PATJ: variants seen among roughly 807,000 people sequenced by gnomAD.
PATJ encodes PATJ crumbs cell polarity complex component.
Under a neutral mutation model 224.9 loss-of-function variants are expected in PATJ, and 190 were observed. That is an observed-to-expected ratio of 0.84 (90% CI 0.75 to 0.95). PATJ has a LOEUF of 0.95. PATJ is among the 40% of genes least tolerant of loss of function. The pLI is 0.00. For missense variants in PATJ, 2,121 were observed against 2,270.3 expected (o/e 0.93, Z 1.34); for synonymous variants, 769 against 820.3 (o/e 0.94, Z 1.07).
chr1:61,779,367 T>C (rs1647118605), intron 7 of PATJ, among the ~76,000 whole-genome samples: 1 of 152,220 alleles, frequency 6.6e-6, no homozygotes, highest in Non-Finnish European at 1.5e-5. Context: ...GAAGCTCTGT[T>C]ACATTCTTGA....
At chr1:62,113,377 C>G (rs1422985260) in intron 34 of PATJ, among the ~76,000 whole-genome samples, 1 of 152,194 alleles carries the variant, frequency 6.6e-6, no homozygotes. Context: ...TGCCTCATGC[C>G]TGTAATCCCA....
rs185234900 is a variant in PATJ, at chr1:61,969,280, A to T, written c.3671-20888A>T. ...ATTACTGGATCATATGATATTTCTA[A>T]TTTTTTTAAGGTATGTCCATACTCT... is the stretch of plus-strand genomic sequence containing the variant. On this transcript the variant is annotated intron_variant, in intron 27 of 43. Transcript: ENST00000642238. 8.9e-4 allele frequency among the ~76,000 whole-genome samples: 135 copies of T among 152,260 alleles called. 2 individuals are homozygous for T. The highest frequency in any genetic ancestry group is 3.0e-3 in the African/African-American group (123 of 41,548).
chr1:62,080,293 A>T (rs966888057), intron 32 of PATJ, among the ~76,000 whole-genome samples: 1 of 152,100 alleles, frequency 6.6e-6, no homozygotes, highest in African/African-American at 2.4e-5. Context: ...GGGGGTTGAA[A>T]ATAGAACTTT....
rs114356652 is a variant in PATJ at position 61,968,059 on chromosome 1, G to A, written c.3671-22109G>A. 5.4e-3 allele frequency among the ~76,000 whole-genome samples: 818 copies of A among 152,148 alleles called. 5 individuals are homozygous for A. The highest frequency in any genetic ancestry group is 0.027 in the Middle Eastern group (8 of 294). On this transcript the variant is annotated intron_variant, in intron 27 of 43. Coordinates refer to ENST00000642238, the MANE Select transcript of PATJ (RefSeq NM_001350145.3). Reference sequence around the variant, plus strand: ...AAGATATGAAAGCCCAAGGAGTAAAGCATTAAACCATGCAAAAATACCAAC... The same window carrying A: ...AAGATATGAAAGCCCAAGGAGTAAAACATTAAACCATGCAAAAATACCAAC...
At chr1:62,040,243 G>A (rs1651219522) in intron 30 of PATJ, among the ~76,000 whole-genome samples, 2 of 151,786 alleles carry the variant, frequency 1.3e-5, no homozygotes, top group African/African-American at 4.8e-5. Flanking sequence ...CGAGTAGCTG[G>A]GATTACAGGC....
intron 18 of PATJ, among the ~76,000 whole-genome samples, chr1:61,857,613 A>G (rs993459598): frequency 3.3e-5 from 5 of 152,360 alleles, no homozygotes; most frequent in Admixed American, 6.5e-5. Flanking sequence ...TGGCTTTGCT[A>G]TGAGTTAGCC....
At chr1:62,022,771 A>C (rs1054462515) in intron 29 of PATJ, among the ~76,000 whole-genome samples, 26 of 152,350 alleles carry the variant, frequency 1.7e-4, no homozygotes, top group Non-Finnish European at 2.1e-4. Context: ...CCTTGGAAAG[A>C]TTTAGTGCTA....
intron 30 of PATJ, among the ~76,000 whole-genome samples, chr1:62,045,047 G>A (rs188200603): frequency 7.2e-5 from 11 of 152,016 alleles, no homozygotes; most frequent in Admixed American, 3.9e-4. Context: ...GCGAAACCCC[G>A]TCTCTACTAA....
intron 31 of PATJ, among the ~76,000 whole-genome samples, chr1:62,064,895 T>C (rs1052059630): frequency 6.6e-6 from 1 of 152,160 alleles, no homozygotes; most frequent in Admixed American, 6.5e-5. Flanking sequence ...AGATGCAACA[T>C]AAAAAATACA....
chr1:61,761,537 A>G (rs1260368022), intron 1 of PATJ, among the ~76,000 whole-genome samples: 1 of 152,202 alleles, frequency 6.6e-6, no homozygotes, highest in Non-Finnish European at 1.5e-5. Flanking sequence ...AAGAAACAGT[A>G]AAACCTGAGT....
chr1:62,116,795 A>G, intron 36 of PATJ, 116 bp downstream of exon 36: 1 of 963,298 alleles, frequency 1.0e-6, no homozygotes. Context: ...AGTTTTTACT[A>G]GAAATTTAAT....
chr1:61,768,563 C>T (rs1211694725), intron 4 of PATJ, among the ~76,000 whole-genome samples: 1 of 151,940 alleles, frequency 6.6e-6, no homozygotes, highest in Non-Finnish European at 1.5e-5. Flanking sequence ...TTCTGACAGG[C>T]TAAATACTGG....
rs200084572 is a variant in PATJ at position 61,789,328 on chromosome 1, TAAAAC to T, written c.1068+1363_1068+1367del. ...TAAAAAAATAAATAAATAAATAAAATAAAACAAAACAGACAAAAAAAAACTGAAAC... is the reference window on the plus strand; with the variant it reads ...TAAAAAAATAAATAAATAAATAAAATAAAACAGACAAAAAAAAACTGAAAC... On this transcript the variant is annotated intron_variant, in intron 8 of 43. Transcript: ENST00000642238. Among the ~76,000 whole-genome samples the T allele has an allele frequency of 3.6e-3, 539 of 148,646 alleles. 3 individuals carry two copies. Among genetic ancestry groups the T allele is most frequent in the African/African-American group, 0.012 (501 of 40,450 alleles).
chr1:61,757,425 C>A lies in PATJ; in HGVS notation c.-35-5433C>A, dbSNP rs1645711012. ...TTTGAGACAGGGTCTCATGCTGTCACCCAGGCTGGAGTGCAGTGGTGCTAT... is the reference window on the plus strand; with the variant it reads ...TTTGAGACAGGGTCTCATGCTGTCAACCAGGCTGGAGTGCAGTGGTGCTAT... On this transcript the variant is annotated intron_variant, in intron 1 of 43. Transcript: ENST00000642238. Among the ~76,000 whole-genome samples, 3 of 152,044 alleles carry A rather than the reference C, an allele frequency of 2.0e-5. No individual in the cohort carries two copies. The South Asian group carries it at 6.2e-4, about 31-fold the overall frequency.
At chr1:61,912,599 T>G (rs1432313642) in intron 25 of PATJ, among the ~76,000 whole-genome samples, 1 of 148,106 alleles carries the variant, frequency 6.8e-6, no homozygotes, top group Non-Finnish European at 1.5e-5. Flanking sequence ...AGACTCTGTC[T>G]CAACGAATGA....
intron 24 of PATJ, among the ~76,000 whole-genome samples, chr1:61,904,947 G>A (rs1671659576): frequency 6.6e-6 from 1 of 152,194 alleles, no homozygotes; most frequent in African/African-American, 2.4e-5. Context: ...CCATGGCTGG[G>A]TGAGGTGGCT....
At chr1:62,108,300 T>C (rs541698876) in intron 33 of PATJ, 137 bp from the exon 34 acceptor site, 55 of 516,014 alleles carry the variant, frequency 1.1e-4, no homozygotes, top group African/African-American at 1.0e-3. Context: ...ATCATAACTG[T>C]GTATATTGTT....
At chr1:61,805,378 C>T in intron 12 of PATJ, 70 bp from the exon 13 acceptor site, 1 of 905,906 alleles carries the variant, frequency 1.1e-6, no homozygotes, top group Non-Finnish European at 1.8e-6. Flanking sequence ...AAGAATTTAG[C>T]AGTTAAGTGT....
chr1:61,801,292 T>G (rs1391009781), intron 11 of PATJ, among the ~76,000 whole-genome samples: 2 of 152,242 alleles, frequency 1.3e-5, no homozygotes, highest in Admixed American at 6.5e-5. Flanking sequence ...TGAGATGGTA[T>G]CTCATTGTGG....
Sources: allele counts gnomAD v4.1 joint callset (sites outside exome capture counted in the v4.1 genomes callset), GRCh38; gene constraint gnomAD v4.1.1; transcripts MANE v1.5; gene names NCBI Gene and HGNC (gene_info 2026-07-23, HGNC 2026-07-21).